FGF12: variants seen among roughly 807,000 people sequenced by gnomAD.
The protein encoded by FGF12 is fibroblast growth factor 12.
In FGF12, 14 loss-of-function variants were observed where a neutral mutation model predicts 23.6. The ratio of observed to expected loss-of-function variants is 0.59; its 90% CI spans 0.39 to 0.93. The LOEUF is 0.93. Among genes scored for constraint, FGF12 ranks in the 40% least tolerant of loss-of-function variants. FGF12 has a pLI of 0.00. For missense variants in FGF12, 175 were observed against 217.8 expected, an observed-to-expected ratio of 0.80 and a Z score of 1.24; for synonymous variants, 62 against 77.3, an observed-to-expected ratio of 0.80 and a Z score of 1.04.
intron 2 of FGF12, among the ~76,000 whole-genome samples, chr3:192,429,784 G>A (rs1253050999): frequency 2.7e-5 from 3 of 113,162 alleles, no homozygotes; most frequent in African/African-American, 8.5e-5. Context: ...ATCTCTTAAC[G>A]CCATTCTGGA....
intron 2 of FGF12, among the ~76,000 whole-genome samples, chr3:192,591,731 G>A (rs7609933): frequency 0.15 from 23,331 of 151,862 alleles, 2,058 homozygotes; most frequent in Middle Eastern, 0.2. Flanking sequence ...AAATGCTTAC[G>A]TGGCAATAGA....
chr3:192,469,525 C>T (rs1299077487), intron 2 of FGF12, among the ~76,000 whole-genome samples: 2 of 152,188 alleles, frequency 1.3e-5, no homozygotes, highest in African/African-American at 4.8e-5. Flanking sequence ...CAGAGCTTGT[C>T]CTCCACAATA....
chr3:192,162,574 A>G lies in FGF12; in HGVS notation c.427+7884T>C, dbSNP rs142714346. The stretch of plus-strand genomic sequence containing the variant: ...TCACAGGCTGGCAGAAACCCAAAAC[A>G]CAAAAGAAAGAGTTGCAGCTATTAT... On this transcript the variant is annotated intron_variant, in intron 5 of 5. Transcript: ENST00000445105. Among the ~76,000 whole-genome samples, 514 of 152,268 alleles carry G rather than the reference A, an allele frequency of 3.4e-3. 1 individual carries two copies. Among genetic ancestry groups the G allele is most frequent in the African/African-American group, 0.011 (440 of 41,572 alleles).
chr3:192,364,142 C>G (rs1460595974), intron 2 of FGF12, among the ~76,000 whole-genome samples: 1 of 152,146 alleles, frequency 6.6e-6, no homozygotes, highest in Non-Finnish European at 1.5e-5. Flanking sequence ...CATCACAACT[C>G]TGGGAATGAT....
At chr3:192,309,057 A>G (rs1715801994) in intron 4 of FGF12, among the ~76,000 whole-genome samples, 1 of 152,256 alleles carries the variant, frequency 6.6e-6, no homozygotes, top group Non-Finnish European at 1.5e-5. Flanking sequence ...AATCACCCTC[A>G]ATGTATCATG....
chr3:192,649,827 C>T lies in FGF12; in HGVS notation c.13+77354G>A, dbSNP rs150761806. 3.0e-3 allele frequency among the ~76,000 whole-genome samples: 462 copies of T among 152,170 alleles called. 1 individual carries two copies. The highest frequency in any genetic ancestry group is 1.0e-2 in the African/African-American group (414 of 41,516). The stretch of plus-strand genomic sequence containing the variant: ...CTGCCCACCCCTTCCTCCCAAAGTG[C>T]TGGTATTACAGGTGTGGTCCCTGGC... On this transcript the variant is annotated intron_variant, in intron 2 of 5. Transcript: ENST00000445105.
At chr3:192,580,239 A>G (rs1352611960) in intron 2 of FGF12, among the ~76,000 whole-genome samples, 12 of 152,132 alleles carry the variant, frequency 7.9e-5, no homozygotes, top group Non-Finnish European at 1.8e-4. Flanking sequence ...CCTGTGTGCT[A>G]TCTCACTGGC....
At chr3:192,577,346 G>T (rs1409673320) in intron 2 of FGF12, among the ~76,000 whole-genome samples, 2 of 152,162 alleles carry the variant, frequency 1.3e-5, no homozygotes, top group Non-Finnish European at 2.9e-5. Flanking sequence ...GCAAGAAATA[G>T]AATCTTTTTT....
In FGF12 at chr3:192,261,671, T is replaced by C. The variant is rs1229732963; in HGVS notation, c.228+73690A>G. 2.6e-5 allele frequency among the ~76,000 whole-genome samples: 4 copies of C among 152,188 alleles called. No homozygotes were observed. In the East Asian group the frequency reaches 7.7e-4, roughly 29 times the overall value. Reference sequence around the variant, plus strand: ...GAGGACAGAGAGAGAGAAAAGGAAATCTTTTTTGCTTACATCATGAGCTTA... The same window carrying C: ...GAGGACAGAGAGAGAGAAAAGGAAACCTTTTTTGCTTACATCATGAGCTTA... On this transcript the variant is annotated intron_variant, in intron 4 of 5. Coordinates refer to ENST00000445105, the MANE Select transcript of FGF12 (RefSeq NM_004113.6).
intron 2 of FGF12, among the ~76,000 whole-genome samples, chr3:192,484,157 A>T (rs1723561775): frequency 6.6e-6 from 1 of 152,086 alleles, no homozygotes; most frequent in Admixed American, 6.6e-5. Context: ...ATCAAAGAGA[A>T]GGGCACTTTG....
chr3:192,696,173 A>G (rs1312867951), intron 2 of FGF12, among the ~76,000 whole-genome samples: 1 of 139,050 alleles, frequency 7.2e-6, no homozygotes, highest in African/African-American at 2.8e-5. Context: ...TTTTTTAATC[A>G]TTTCCTAACA....
Position 192,324,623 on chromosome 3 carries a change from A to C in FGF12, c.228+10738T>G, listed in dbSNP as rs1256513397. ...TAAAAAACTTTCCAATTTTTTCACA[A>C]AGGAAGTAAGTTACAGGGCTATGAT... On this transcript the variant is annotated intron_variant, in intron 4 of 5. Coordinates refer to ENST00000445105, the MANE Select transcript of FGF12 (RefSeq NM_004113.6). Among the ~76,000 whole-genome samples, 2 of 152,326 alleles carry C rather than the reference A, an allele frequency of 1.3e-5. 1 individual carries two copies. Among genetic ancestry groups the C allele is most frequent in the African/African-American group, 4.8e-5 (2 of 41,586 alleles).
intron 2 of FGF12, among the ~76,000 whole-genome samples, chr3:192,478,670 T>C (rs1353874958): frequency 1.3e-5 from 2 of 152,170 alleles, no homozygotes; most frequent in African/African-American, 2.4e-5. Flanking sequence ...TTTCAAATAC[T>C]AGACTGTGGA....
In FGF12 at chr3:192,674,521, C is replaced by A. The variant is rs56048671; in HGVS notation, c.13+52660G>T. On this transcript the variant is annotated intron_variant, in intron 2 of 5. Transcript: ENST00000445105. ...GGACGGTTTCGAACTTCTGAGTACT[C>A]ATTTTCTTCTACTGCATAAGGGAGA... Among the ~76,000 whole-genome samples the A allele has an allele frequency of 4.6e-3, 694 of 152,274 alleles. 9 individuals are homozygous for A. Among genetic ancestry groups the A allele is most frequent in the African/African-American group, 0.016 (672 of 41,562 alleles).
At chr3:192,475,153 T>C (rs1723281445) in intron 2 of FGF12, among the ~76,000 whole-genome samples, 1 of 152,218 alleles carries the variant, frequency 6.6e-6, no homozygotes, top group Non-Finnish European at 1.5e-5. Flanking sequence ...CTTTCAACCA[T>C]TAGTTTATAA....
chr3:192,233,661 T>C (rs935378010), intron 4 of FGF12, among the ~76,000 whole-genome samples: 2 of 152,138 alleles, frequency 1.3e-5, no homozygotes, highest in Admixed American at 1.3e-4. Context: ...ATTTTTTTTC[T>C]AGGATATTTA....
At chr3:192,497,017 T>C (rs1723977957) in intron 2 of FGF12, among the ~76,000 whole-genome samples, 1 of 152,212 alleles carries the variant, frequency 6.6e-6, no homozygotes. Context: ...TATATGCTGA[T>C]GAATCACACA....
intron 5 of FGF12, among the ~76,000 whole-genome samples, chr3:192,163,790 A>C (rs79641922): frequency 1.3e-5 from 2 of 150,222 alleles, no homozygotes; most frequent in East Asian, 2.0e-4. Context: ...AATTCTAACA[A>C]AGAAAATGGA....
At chr3:192,432,732 A>G (rs948803692) in intron 2 of FGF12, among the ~76,000 whole-genome samples, 9 of 152,152 alleles carry the variant, frequency 5.9e-5, no homozygotes, top group Non-Finnish European at 1.2e-4. Flanking sequence ...AAGAACTTGC[A>G]AGAGGATCTG....
Sources: gnomAD v4.1 joint callset for allele counts (sites outside exome capture counted in the v4.1 genomes callset) on GRCh38, gnomAD v4.1.1 for gene constraint, MANE v1.5 for transcripts, NCBI Gene and HGNC (gene_info 2026-07-23, HGNC 2026-07-21) for gene names.